The following ACSL6 variants were observed in gnomAD, a reference collection of about 807,000 sequenced individuals.
The protein encoded by ACSL6 is long-chain-fatty-acid--CoA ligase 6.
In ACSL6, 47 loss-of-function variants were observed where a neutral mutation model predicts 98.2. The ratio of observed to expected loss-of-function variants is 0.48; its 90% confidence interval spans 0.38 to 0.61. The LOEUF is 0.61. Among genes scored for constraint, ACSL6 ranks in the 20% least tolerant of loss-of-function variants. The pLI is 0.00. For synonymous variants in ACSL6, 362 were observed against 336.9 expected (o/e 1.07, Z -0.82); for missense variants, 761 against 913.4 (o/e 0.83, Z 2.15).
At chr5:131,971,983 CA>C (rs1240075963) in intron 13 of ACSL6, among the ~76,000 whole-genome samples, 2 of 152,168 alleles carry the variant, frequency 1.3e-5, no homozygotes, top group Non-Finnish European at 2.9e-5. Flanking sequence ...CCATCATTGA[CA>C]AGAATCCAAA....
intron 2 of ACSL6, among the ~76,000 whole-genome samples, chr5:131,992,458 G>A (rs1754577008): frequency 6.6e-6 from 1 of 152,190 alleles, no homozygotes; most frequent in Admixed American, 6.5e-5. Flanking sequence ...CTCCGGTGCA[G>A]CCACTCTGGC....
intron 9 of ACSL6, chr5:131,982,229 T>C (rs1406707925): frequency 5.6e-5 from 8 of 143,250 alleles, no homozygotes; most frequent in East Asian, 2.2e-4. Context: ...CTGCAAGCTC[T>C]GCCTCCCGGG....
chr5:131,967,688 A>AATG (rs1554111991), intron 16 of ACSL6, among the ~76,000 whole-genome samples: 3 of 148,580 alleles, frequency 2.0e-5, no homozygotes, highest in Non-Finnish European at 4.5e-5. Context: ...TAATAATAAT[A>AATG]ATAATAATAA....
chr5:131,977,044 G>A (rs1227155492), intron 9 of ACSL6, among the ~76,000 whole-genome samples: 3 of 152,206 alleles, frequency 2.0e-5, no homozygotes. Context: ...AGGAGCAGAG[G>A]CTGTCAGCCC....
At chr5:131,996,892 T>A (rs761812991) in intron 1 of ACSL6, among the ~76,000 whole-genome samples, 3 of 151,892 alleles carry the variant, frequency 2.0e-5, no homozygotes, top group Non-Finnish European at 4.4e-5. Context: ...TACGAGAGAG[T>A]CAGGGCAGGC....
At chr5:131,993,885 C>T (rs1754653624) in intron 2 of ACSL6, 146 bp downstream of exon 2, 3 of 789,982 alleles carry the variant, frequency 3.8e-6, no homozygotes, top group Non-Finnish European at 6.0e-6. Context: ...CCCAAGGCTG[C>T]TGCAGAGCTA....
In ACSL6 at chr5:132,004,704, G is replaced by A. The variant is rs536560041; in HGVS notation, c.49+6801C>T. Among the ~76,000 whole-genome samples, 114 of 152,170 alleles carry A rather than the reference G, an allele frequency of 7.5e-4. 1 individual carries two copies. Among genetic ancestry groups the A allele is most frequent in the Non-Finnish European group, 1.4e-3 (94 of 68,036 alleles). On this transcript the variant is annotated intron_variant, in intron 1 of 20. Transcript: ENST00000651883. ...CCACAGGTCATAGCCTTCCATATCT[G>A]GTCTGTGGCAAGGAGATCGGGGACA...
At chr5:131,967,700 T>A (rs932250217) in intron 16 of ACSL6, among the ~76,000 whole-genome samples, 1 of 105,360 alleles carries the variant, frequency 9.5e-6, no homozygotes, top group Admixed American at 9.5e-5. Flanking sequence ...TAATAATAAT[T>A]AATTAATTTA....
Position 132,011,569 on chromosome 5 carries a change from C to T in ACSL6, c.-16G>A. 1 of 1,515,130 alleles carries T rather than the reference C, an allele frequency of 6.6e-7. No homozygotes were observed. The highest frequency in any genetic ancestry group is 1.4e-5 in the African/African-American group (1 of 69,400). 93.9% of individuals were successfully genotyped at this position (1,515,130 alleles called of 1,614,324 possible). A position where few individuals can be genotyped will look rare whatever the true frequency, so the allele number is the denominator to read the frequency against. On this transcript the variant is annotated 5_prime_UTR_variant, in exon 1 of 21. Transcript: ENST00000651883. The surrounding 1 kb of genome is among the most constrained non-coding windows in gnomAD (Gnocchi z 5.4). ...AGGTCAGCATGGCGGTCAGCGGGGCCCGGCCCGGCCCGGCCCGGCCTCCCC... is the reference window on the plus strand; with the variant it reads ...AGGTCAGCATGGCGGTCAGCGGGGCTCGGCCCGGCCCGGCCCGGCCTCCCC...
rs541534154 is a variant in ACSL6, at chr5:131,970,086, C to T, written c.1507+42G>A. ...TTTAGAGCTGGCTGCTTTTACTCCA[C>T]AGTGCCTCGCGAGCCAGTCCTATAT... is the stretch of plus-strand genomic sequence containing the variant. On this transcript the variant is annotated intron_variant, in intron 15 of 20. Coordinates refer to ENST00000651883, the MANE Select transcript of ACSL6 (RefSeq NM_001009185.3). 2.5e-6 allele frequency: 4 copies of T among 1,590,458 alleles called. No homozygotes were observed. In the South Asian group the frequency reaches 4.4e-5, roughly 18 times the overall value.
At chr5:131,973,143 G>A in intron 12 of ACSL6, 123 bp downstream of exon 12, 3 of 1,300,102 alleles carry the variant, frequency 2.3e-6, no homozygotes, top group Non-Finnish European at 1.1e-6. Context: ...AACTACAAGA[G>A]AGGAGGCAAG....
chr5:131,955,111 A>G (rs973377473), intron 20 of ACSL6, among the ~76,000 whole-genome samples: 9 of 152,306 alleles, frequency 5.9e-5, no homozygotes, highest in Non-Finnish European at 1.3e-4. Context: ...CTCCAAGAGA[A>G]ATGGGAAGAT....
intron 20 of ACSL6, among the ~76,000 whole-genome samples, chr5:131,956,482 A>G (rs1442463627): frequency 2.0e-5 from 3 of 152,212 alleles, no homozygotes; most frequent in Non-Finnish European, 4.4e-5. Context: ...CTCACCTTTC[A>G]GTCCCTTAGT....
intron 2 of ACSL6, among the ~76,000 whole-genome samples, chr5:131,991,685 C>T (rs1754523040): frequency 6.6e-6 from 1 of 152,112 alleles, no homozygotes; most frequent in South Asian, 2.1e-4. Flanking sequence ...TCCTCCCCTT[C>T]TACCCTGTCA....
chr5:131,961,751 T>C (rs555057048), intron 18 of ACSL6, among the ~76,000 whole-genome samples: 22 of 152,152 alleles, frequency 1.4e-4, no homozygotes, highest in African/African-American at 5.3e-4. Flanking sequence ...ATCTAAATAG[T>C]ATTGAAAGGA....
intron 4 of ACSL6, 72 bp from the exon 5 acceptor site, chr5:131,989,580 ATTCTTT>A: frequency 2.2e-4 from 91 of 407,558 alleles, no homozygotes; most frequent in Non-Finnish European, 2.8e-4. Context: ...CCCAGGAGGA[ATTCTTT>A]TTTTTTTTTT....
chr5:131,976,307 A>C, intron 10 of ACSL6: 1 of 834,462 alleles, frequency 1.2e-6, no homozygotes, highest in South Asian at 5.5e-5. Flanking sequence ...ATTACTTTCT[A>C]AATAAAGGTA....
chr5:131,978,308 G>A (rs1461324392), intron 9 of ACSL6, among the ~76,000 whole-genome samples: 1 of 152,300 alleles, frequency 6.6e-6, no homozygotes, highest in East Asian at 1.9e-4. Context: ...CCCAAGGAAG[G>A]ACACCACCTA....
rs527868182 is a variant in ACSL6 at position 131,999,835 on chromosome 5, C to A, written c.50-5584G>T. 8.5e-5 allele frequency among the ~76,000 whole-genome samples: 13 copies of A among 152,332 alleles called. No individual in the cohort carries two copies. In the East Asian group the frequency reaches 2.5e-3, roughly 29 times the overall value. ...CCCTGCCAGCGTGCCAGAGCCTCAG[C>A]TTACACCCCCCTGCTTTTCCCCTCA... On this transcript the variant is annotated intron_variant, in intron 1 of 20. Transcript: ENST00000651883.
Sources: allele counts gnomAD v4.1 joint callset (sites outside exome capture counted in the v4.1 genomes callset), GRCh38; gene constraint gnomAD v4.1.1; non-coding constraint Gnocchi (gnomAD v3.1); transcripts MANE v1.5; gene names NCBI Gene and HGNC (gene_info 2026-07-23, HGNC 2026-07-21).